The following GRM7 variants were observed in gnomAD, a reference collection of about 807,000 sequenced individuals.
GRM7 encodes glutamate metabotropic receptor 7, also known as metabotropic glutamate receptor 7.
GRM7 carries 35 observed loss-of-function variants against 84.5 expected under a neutral mutation model. The ratio of observed to expected loss-of-function variants is 0.41; its 90% CI spans 0.32 to 0.55. The LOEUF is 0.55. GRM7 is among the 20% of genes least tolerant of loss of function. The pLI is 0.19. For missense variants in GRM7, 1,003 were observed against 1,194.6 expected (o/e 0.84, Z 2.36); for synonymous variants, 487 against 455.1 (o/e 1.07, Z -0.89).
rs78465968 is a variant in GRM7, at chr3:7,740,018, A to C, written c.2699-339A>C. 8.6e-3 allele frequency among the ~76,000 whole-genome samples: 1,312 copies of C among 152,332 alleles called. 23 individuals are homozygous for C. Among genetic ancestry groups the C allele is most frequent in the East Asian group, 0.066 (342 of 5,162 alleles). ...TTATTAAAAGGTCTGTGAGAAGAGCACACAACGAAATATACCACAGTGTGA... is the reference window on the plus strand; with the variant it reads ...TTATTAAAAGGTCTGTGAGAAGAGCCCACAACGAAATATACCACAGTGTGA... On this transcript the variant is annotated intron_variant, in intron 9 of 9. Transcript: ENST00000357716.
At chr3:7,411,396 A>C (rs1299666959) in intron 4 of GRM7, among the ~76,000 whole-genome samples, 5 of 152,172 alleles carry the variant, frequency 3.3e-5, no homozygotes, top group Non-Finnish European at 7.3e-5. Flanking sequence ...CCAATCAAGA[A>C]TACTAGCAGA....
intron 7 of GRM7, among the ~76,000 whole-genome samples, chr3:7,526,740 G>A (rs562888933): frequency 1.1e-4 from 16 of 151,854 alleles, no homozygotes; most frequent in South Asian, 2.1e-4. Context: ...ATGCTCCTGC[G>A]TATGGTTAGG....
At chr3:7,183,370 T>C (rs1016237338) in intron 2 of GRM7, among the ~76,000 whole-genome samples, 26 of 152,302 alleles carry the variant, frequency 1.7e-4, no homozygotes, top group African/African-American at 6.3e-4. Flanking sequence ...CTCACGCCTG[T>C]AATCCCGGCA....
intron 4 of GRM7, among the ~76,000 whole-genome samples, chr3:7,403,622 G>GATATATATATATATATATATATATAT (rs59465377): frequency 7.9e-6 from 1 of 126,952 alleles, no homozygotes; most frequent in Non-Finnish European, 1.7e-5. Flanking sequence ...GAGTAATTCT[G>GATATATATATATATATATATATATAT]ATATATATAT....
intron 9 of GRM7, among the ~76,000 whole-genome samples, chr3:7,714,816 C>A (rs1701715495): frequency 6.6e-6 from 1 of 152,154 alleles, no homozygotes; most frequent in African/African-American, 2.4e-5. Flanking sequence ...CATCAAAAAC[C>A]AGAGGTCTAT....
intron 7 of GRM7, among the ~76,000 whole-genome samples, chr3:7,470,068 C>G (rs1698635063): frequency 6.6e-6 from 1 of 152,184 alleles, no homozygotes; most frequent in African/African-American, 2.4e-5. Context: ...CCACTTGATA[C>G]AAGGTGTGCG....
chr3:7,481,069 C>T lies in GRM7; in HGVS notation c.1515+19347C>T, dbSNP rs929111986. ...CAAGATTTTATTGTAAATACAAAGT[C>T]TTTATTGGTTTTTTTTTTTTCTTTT... On this transcript the variant is annotated intron_variant, in intron 7 of 9. Transcript: ENST00000357716. 6.8e-5 allele frequency among the ~76,000 whole-genome samples: 10 copies of T among 147,684 alleles called. No homozygotes were observed. In the East Asian group the frequency reaches 1.9e-3, roughly 29 times the overall value.
chr3:7,049,494 C>G, intron 1 of GRM7, among the ~76,000 whole-genome samples: 1 of 151,838 alleles, frequency 6.6e-6, no homozygotes, highest in Non-Finnish European at 1.5e-5. Flanking sequence ...CTGGCCCTAC[C>G]CTTGACACAT....
intron 1 of GRM7, among the ~76,000 whole-genome samples, chr3:6,930,249 T>C (rs1291107354): frequency 2.0e-5 from 3 of 152,184 alleles, no homozygotes; most frequent in African/African-American, 7.2e-5. Flanking sequence ...AGCATAGTAC[T>C]GATATTAAAA....
intron 2 of GRM7, among the ~76,000 whole-genome samples, chr3:7,242,521 T>G (rs1003852453): frequency 3.3e-5 from 5 of 152,182 alleles, no homozygotes; most frequent in African/African-American, 1.2e-4. Flanking sequence ...TCTTTTTAAC[T>G]TTGGGCAATT....
chr3:7,102,011 T>C (rs1395284146), intron 1 of GRM7, among the ~76,000 whole-genome samples: 2 of 151,542 alleles, frequency 1.3e-5, no homozygotes, highest in African/African-American at 4.8e-5. Context: ...GTTGTCACTA[T>C]TTTACATTTA....
intron 1 of GRM7, among the ~76,000 whole-genome samples, chr3:6,869,222 A>G (rs1695033572): frequency 6.6e-6 from 1 of 152,072 alleles, no homozygotes; most frequent in Non-Finnish European, 1.5e-5. Flanking sequence ...TTAAATCCAC[A>G]CACTCCACTT....
At chr3:6,980,531 T>C (rs1163628903) in intron 1 of GRM7, among the ~76,000 whole-genome samples, 1 of 152,192 alleles carries the variant, frequency 6.6e-6, no homozygotes, top group Non-Finnish European at 1.5e-5. Context: ...AACTAGTTTG[T>C]TAAAGAGATC....
intron 1 of GRM7, among the ~76,000 whole-genome samples, chr3:6,933,107 G>A (rs1697568116): frequency 6.6e-6 from 1 of 152,180 alleles, no homozygotes; most frequent in East Asian, 1.9e-4. Flanking sequence ...AATGAAGAAA[G>A]AATAAAGCAA....
intron 1 of GRM7, among the ~76,000 whole-genome samples, chr3:7,113,979 G>C (rs1692946555): frequency 6.6e-6 from 1 of 152,154 alleles, no homozygotes; most frequent in South Asian, 2.1e-4. Context: ...TTCAATGACA[G>C]AGTTAGATTT....
At chr3:7,580,072 G>T (rs1695172620) in intron 8 of GRM7, among the ~76,000 whole-genome samples, 1 of 152,206 alleles carries the variant, frequency 6.6e-6, no homozygotes, top group African/African-American at 2.4e-5. Context: ...CAACATATTT[G>T]CTAGTTCACA....
chr3:7,304,753 C>T (rs1485378749), intron 3 of GRM7, among the ~76,000 whole-genome samples: 2 of 151,852 alleles, frequency 1.3e-5, no homozygotes, highest in South Asian at 2.1e-4. Context: ...GTTATTTTTT[C>T]GTATCATGTT....
intron 1 of GRM7, among the ~76,000 whole-genome samples, chr3:7,102,733 T>A (rs898017154): frequency 1.3e-5 from 2 of 151,796 alleles, no homozygotes; most frequent in Non-Finnish European, 2.9e-5. Context: ...CTCTGCTCAG[T>A]CATCCTTCTC....
intron 2 of GRM7, among the ~76,000 whole-genome samples, chr3:7,179,501 A>G (rs1695267217): frequency 6.6e-6 from 1 of 152,118 alleles, no homozygotes; most frequent in Non-Finnish European, 1.5e-5. Context: ...TTGCTTTTCT[A>G]CTCTATATTT....
Sources: gnomAD v4.1 joint callset for allele counts (sites outside exome capture counted in the v4.1 genomes callset) on GRCh38, gnomAD v4.1.1 for gene constraint, MANE v1.5 for transcripts, NCBI Gene and HGNC (gene_info 2026-07-23, HGNC 2026-07-21) for gene names.